DCPS: variants seen among roughly 807,000 people sequenced by gnomAD.
The protein encoded by DCPS is decapping enzyme, scavenger.
DCPS carries 27 observed loss-of-function variants against 34.7 expected under a neutral mutation model. The ratio of observed to expected loss-of-function variants is 0.78; its 90% CI spans 0.57 to 1.07. The LOEUF is 1.07. DCPS is among the 50% of genes least tolerant of loss of function. The probability of loss-of-function intolerance (pLI) is 0.00; values close to 1 mark genes in which losing one functional copy is unlikely to be tolerated. For missense variants in DCPS, 464 were observed against 436.9 expected (o/e 1.06, Z -0.55); for synonymous variants, 185 against 185.7 (o/e 1.00, Z 0.03).
At position 126,346,536 on chromosome 11, in the gene DCPS, T is replaced by C. The variant is rs1483147421; in HGVS notation, c.*923T>C. Among the ~76,000 whole-genome samples the C allele has an allele frequency of 6.6e-6, 1 of 152,140 alleles. No individual in the cohort carries two copies. The highest frequency in any genetic ancestry group is 1.5e-5 in the Non-Finnish European group (1 of 68,028). ...GCTCAAGCGGCGCAGGGACATGGCT[T>C]GTATGGGCGGGCACACAAGTAAACA... On this transcript the variant is annotated 3_prime_UTR_variant, in exon 6 of 6. Transcript: ENST00000263579. The surrounding 1 kb of genome is among the most constrained non-coding windows in gnomAD (Gnocchi z 4.1).
rs973661599 is a variant in DCPS, at chr11:126,342,889, C to T, written c.637-418C>T. Among the ~76,000 whole-genome samples, 4 of 151,872 alleles carry T rather than the reference C, an allele frequency of 2.6e-5. No individual in the cohort carries two copies. The highest frequency in any genetic ancestry group is 6.6e-5 in the Admixed American group (1 of 15,242). ...AGTCAGGAGTTTGAGACCAGCCTGG[C>T]CAATATGGTGAAACCCCATCTCTAC... On this transcript the variant is annotated intron_variant, in intron 4 of 5. Coordinates refer to ENST00000263579, the MANE Select transcript of DCPS (RefSeq NM_014026.6). The surrounding 1 kb of genome is among the most constrained non-coding windows in gnomAD (Gnocchi z 4.4).
rs637462 is a variant in DCPS at position 126,306,683 on chromosome 11, G to C, written c.315G>C (p.Gln105His). 6 of 1,613,420 alleles carry C rather than the reference G, an allele frequency of 3.7e-6. No homozygotes were observed. In the Admixed American group the frequency reaches 1.0e-4, roughly 27 times the overall value. The change falls in exon 2 of 6, where the codon CAG (glutamine) becomes CAC (histidine). Residue 105 changes from glutamine (Q) to histidine (H), a missense_variant. Physicochemically the swap from Gln to His is conservative, Grantham distance 24 (BLOSUM62 0). Coordinates refer to ENST00000263579, the MANE Select transcript of DCPS (RefSeq NM_014026.6). ...AQLLTGSPEL[Q>H]LQFSNDIYST... is the part of the protein sequence containing the mutation. ...TCCTGACGGGCAGCCCTGAGCTCCA[G>C]TTGCAGTTCTCCAATGATATCTACA...
rs1179940663 is a variant in DCPS, at chr11:126,344,686, G to A, written c.748-661G>A. 6.6e-6 allele frequency among the ~76,000 whole-genome samples: 1 copy of A among 152,196 alleles called. No homozygotes were observed. Among genetic ancestry groups the A allele is most frequent in the Non-Finnish European group, 1.5e-5 (1 of 68,040 alleles). On this transcript the variant is annotated intron_variant, in intron 5 of 5. Transcript: ENST00000263579. This position sits in a 1 kb window ranked among gnomAD's most constrained non-coding sequence, Gnocchi z 8.1. ...ATTCTATGCCTCACAGCCTCCTGAA[G>A]GTGGAGGTTGGTAGAAAAAGACCCA...
At position 126,325,462 on chromosome 11, in the gene DCPS, T is replaced by C. The variant is rs1951732914; in HGVS notation, c.377-5943T>C. Among the ~76,000 whole-genome samples the C allele has an allele frequency of 6.6e-6, 1 of 152,206 alleles. No individual in the cohort carries two copies. The highest frequency in any genetic ancestry group is 2.4e-5 in the African/African-American group (1 of 41,434). On this transcript the variant is annotated intron_variant, in intron 2 of 5. Transcript: ENST00000263579. The surrounding 1 kb of genome is among the most constrained non-coding windows in gnomAD (Gnocchi z 4.3). ...AAAAAGAGATAAATTCTCATCTTCC[T>C]TAATGAGAAGTCAGTAAGTAATAGT...
chr11:126,304,147 G>A lies in DCPS; in HGVS notation c.67G>A (p.Ala23Thr), dbSNP rs775032697. Residue 23 changes from alanine (A) to threonine (T), a missense_variant, in exon 1 of 6, where the codon GCC becomes ACC. Physicochemically the swap from Ala to Thr is moderately conservative, Grantham distance 58. Transcript: ENST00000263579. ...ATTGGACGTGGAGGAGGCCCACGCC[G>A]CCAGCACAGAGGAAAAGGAGGCAGG... is the stretch of plus-strand genomic sequence containing the variant. ...RELDVEEAHA[A>T]STEEKEAGVG... 3 of 1,614,194 alleles carry A rather than the reference G, an allele frequency of 1.9e-6. No individual in the cohort carries two copies. Among genetic ancestry groups the A allele is most frequent in the Non-Finnish European group, 2.5e-6 (3 of 1,180,030 alleles).
Position 126,328,134 on chromosome 11 carries a change from G to A in DCPS, c.377-3271G>A, listed in dbSNP as rs906460956. On this transcript the variant is annotated intron_variant, in intron 2 of 5. Coordinates refer to ENST00000263579, the MANE Select transcript of DCPS (RefSeq NM_014026.6). This position sits in a 1 kb window ranked among gnomAD's most constrained non-coding sequence, Gnocchi z 6.6. The stretch of plus-strand genomic sequence containing the variant: ...AGCCCATGGCTGACGCGAGTTAGTG[G>A]GTCAGTGGGGAGCCGGCGCGGCTGG... Among the ~76,000 whole-genome samples the A allele has an allele frequency of 6.6e-6, 1 of 152,218 alleles. No homozygotes were observed. Among genetic ancestry groups the A allele is most frequent in the Non-Finnish European group, 1.5e-5 (1 of 68,040 alleles).
In DCPS at chr11:126,313,556, C is replaced by A. The variant is rs1257335079; in HGVS notation, c.376+6812C>A. On this transcript the variant is annotated intron_variant, in intron 2 of 5. Coordinates refer to ENST00000263579, the MANE Select transcript of DCPS (RefSeq NM_014026.6). This position sits in a 1 kb window ranked among gnomAD's most constrained non-coding sequence, Gnocchi z 4.9. ...GAAGGATAAATCTCACCATGTAGGG[C>A]AAGAAAAGCATGACACAGAATACAC... Among the ~76,000 whole-genome samples the A allele has an allele frequency of 1.3e-5, 2 of 152,078 alleles. No homozygotes were observed. Among genetic ancestry groups the A allele is most frequent in the African/African-American group, 4.8e-5 (2 of 41,420 alleles).
At position 126,333,479 on chromosome 11, in the gene DCPS, A is replaced by G. The variant is rs1223782496; in HGVS notation, c.522+1929A>G. Among the ~76,000 whole-genome samples the G allele has an allele frequency of 6.6e-6, 1 of 152,248 alleles. No individual in the cohort carries two copies. Among genetic ancestry groups the G allele is most frequent in the African/African-American group, 2.4e-5 (1 of 41,468 alleles). ...CCTAGACGAACTACCGTGGTGATGCAGAGGGACAGTGACCAGCGCAGACAG... is the reference window on the plus strand; with the variant it reads ...CCTAGACGAACTACCGTGGTGATGCGGAGGGACAGTGACCAGCGCAGACAG... On this transcript the variant is annotated intron_variant, in intron 3 of 5. Transcript: ENST00000263579. The surrounding 1 kb of genome is among the most constrained non-coding windows in gnomAD (Gnocchi z 5.7).
At chr11:126,304,349 T>C in intron 1 of DCPS, 68 bp downstream of exon 1, 1 of 1,569,760 alleles carries the variant, frequency 6.4e-7, no homozygotes, top group East Asian at 2.3e-5. Flanking sequence ...GGAGGCAGAT[T>C]TTTTTTTTTC....
intron 2 of DCPS, among the ~76,000 whole-genome samples, chr11:126,310,982 A>AT (rs201232170): frequency 0.014 from 2,171 of 151,898 alleles, 61 homozygotes; most frequent in African/African-American, 0.049. Context: ...GGCTCAGCTG[A>AT]TTTTTTTCTG....
Position 126,345,347 on chromosome 11 carries a change from G to T in DCPS, c.748G>T (p.Glu250Ter), listed in dbSNP as rs754664727. 3 of 1,613,666 alleles carry T rather than the reference G, an allele frequency of 1.9e-6. No homozygotes were observed. Among genetic ancestry groups the T allele is most frequent in the Admixed American group, 3.3e-5 (2 of 60,020 alleles). The change falls in exon 6 of 6, where the codon GAG becomes TAG. Residue 250 changes from glutamate to a stop codon, truncating the protein, a stop_gained and splice_region_variant. Coordinates refer to ENST00000263579, the MANE Select transcript of DCPS (RefSeq NM_014026.6). LOFTEE classifies it high-confidence loss of function. This position sits in a 1 kb window ranked among gnomAD's most constrained non-coding sequence, Gnocchi z 7.4. ...LLRNILHQGQ[E>*]AILQRYRMKG... ...GACCTGCCTGCCCCTGTCTCATCAG[G>T]AGGCCATCCTGCAGCGCTACCGGAT...
At position 126,346,611 on chromosome 11, in the gene DCPS, G is replaced by A. The variant is rs1591395111; in HGVS notation, c.*998G>A. Among the ~76,000 whole-genome samples the A allele has an allele frequency of 6.6e-6, 1 of 152,248 alleles. No individual in the cohort carries two copies. Among genetic ancestry groups the A allele is most frequent in the African/African-American group, 2.4e-5 (1 of 41,472 alleles). On this transcript the variant is annotated 3_prime_UTR_variant, in exon 6 of 6. Coordinates refer to ENST00000263579, the MANE Select transcript of DCPS (RefSeq NM_014026.6). The surrounding 1 kb of genome is among the most constrained non-coding windows in gnomAD (Gnocchi z 4.1). Reference sequence around the variant, plus strand: ...ACCAAGGCATCATGCTGCCAGAGGGGCTGGTGTTTGCCACTTTGTCAGAGT... The same window carrying A: ...ACCAAGGCATCATGCTGCCAGAGGGACTGGTGTTTGCCACTTTGTCAGAGT...
At chr11:126,309,857 C>G (rs767983568) in intron 2 of DCPS, among the ~76,000 whole-genome samples, 83 of 152,228 alleles carry the variant, frequency 5.5e-4, no homozygotes, top group Non-Finnish European at 6.8e-4. Flanking sequence ...GTCTCCTCTT[C>G]TTCTTTTCCT....
intron 4 of DCPS, 124 bp from the exon 5 acceptor site, chr11:126,343,183 G>C (rs887216217): frequency 1.1e-5 from 8 of 712,442 alleles, no homozygotes; most frequent in Admixed American, 6.3e-5. Flanking sequence ...TGCCCTGCGG[G>C]GTTTCTCCTG....
rs528670969 is a variant in DCPS at position 126,333,546 on chromosome 11, A to G, written c.522+1996A>G. Among the ~76,000 whole-genome samples, 3 of 152,232 alleles carry G rather than the reference A, an allele frequency of 2.0e-5. No individual in the cohort carries two copies. Among genetic ancestry groups the G allele is most frequent in the Non-Finnish European group, 4.4e-5 (3 of 68,040 alleles). ...AGAGGATCCTCCCCTTGGGTCTTAC[A>G]GGACAAATAGAAGTTTACCAGGTGC... On this transcript the variant is annotated intron_variant, in intron 3 of 5. Transcript: ENST00000263579. This position sits in a 1 kb window ranked among gnomAD's most constrained non-coding sequence, Gnocchi z 5.7.
At chr11:126,339,123 T>C (rs1402377302) in intron 4 of DCPS, among the ~76,000 whole-genome samples, 1 of 152,236 alleles carries the variant, frequency 6.6e-6, no homozygotes, top group Non-Finnish European at 1.5e-5. Context: ...AGAGCCACTG[T>C]GTTGCAGAGA....
Position 126,326,160 on chromosome 11 carries a change from A to T in DCPS, c.377-5245A>T, listed in dbSNP as rs531385124. Among the ~76,000 whole-genome samples the T allele has an allele frequency of 1.1e-4, 16 of 152,328 alleles. No individual in the cohort carries two copies. The South Asian group carries it at 2.7e-3, about 26-fold the overall frequency. Reference sequence around the variant, plus strand: ...AATAAATAATGAGAATCCCAGCAGGAGGGTGGGACTGGGGAGTTGGTCAGT... The same window carrying T: ...AATAAATAATGAGAATCCCAGCAGGTGGGTGGGACTGGGGAGTTGGTCAGT... On this transcript the variant is annotated intron_variant, in intron 2 of 5. Coordinates refer to ENST00000263579, the MANE Select transcript of DCPS (RefSeq NM_014026.6).
intron 2 of DCPS, among the ~76,000 whole-genome samples, chr11:126,326,168 A>T (rs1591386635): frequency 1.3e-5 from 2 of 152,324 alleles, no homozygotes; most frequent in Middle Eastern, 6.8e-3. Flanking sequence ...GGAGGGTGGG[A>T]CTGGGGAGTT....
intron 2 of DCPS, among the ~76,000 whole-genome samples, chr11:126,308,021 T>C (rs1433432775): frequency 1.1e-4 from 16 of 152,122 alleles, no homozygotes; most frequent in Non-Finnish European, 2.4e-4. Flanking sequence ...TACTTTCTGG[T>C]GGGAGAGACA....
Sources: allele counts gnomAD v4.1 joint callset (sites outside exome capture counted in the v4.1 genomes callset), GRCh38; gene constraint gnomAD v4.1.1; non-coding constraint Gnocchi (gnomAD v3.1); transcripts MANE v1.5; gene names NCBI Gene and HGNC (gene_info 2026-07-23, HGNC 2026-07-21).